MCCC1: variants seen among roughly 807,000 people sequenced by gnomAD.
MCCC1 encodes the protein methylcrotonoyl-CoA carboxylase subunit alpha, mitochondrial.
A neutral mutation model predicts 83.8 loss-of-function variants in MCCC1; 64 were observed. The ratio of observed to expected loss-of-function variants is 0.76; its 90% CI spans 0.62 to 0.94. The LOEUF (loss-of-function observed/expected upper bound fraction) is 0.94. MCCC1 is among the 40% of genes least tolerant of loss of function. The pLI is 0.00. For missense variants in MCCC1, 807 were observed against 904.7 expected, an observed-to-expected ratio of 0.89 and a Z score of 1.39; for synonymous variants, 322 against 315.4, an observed-to-expected ratio of 1.02 and a Z score of -0.22.
In MCCC1 at chr3:183,037,200, G is replaced by C; in HGVS notation, c.1594+18C>G. 1.2e-6 allele frequency: 2 copies of C among 1,611,778 alleles called. No individual in the cohort carries two copies. Among genetic ancestry groups the C allele is most frequent in the Non-Finnish European group, 1.7e-6 (2 of 1,179,214 alleles). Reference sequence around the variant, plus strand: ...TGCAAAACTTGACAAGCAGAGGAAAGAGAAAAGCCTTCCATACCATGTGCC... The same window carrying C: ...TGCAAAACTTGACAAGCAGAGGAAACAGAAAAGCCTTCCATACCATGTGCC... On this transcript the variant is annotated intron_variant, in intron 13 of 18. Coordinates refer to ENST00000265594, the MANE Select transcript of MCCC1 (RefSeq NM_020166.5).
At chr3:183,026,930 CA>C (rs1166427505) in intron 14 of MCCC1, among the ~76,000 whole-genome samples, 2 of 152,188 alleles carry the variant, frequency 1.3e-5, no homozygotes, top group Non-Finnish European at 2.9e-5. Context: ...GTTACAGGCA[CA>C]TCTCACTTTA....
chr3:183,052,459 G>A (rs1286032403), intron 8 of MCCC1, among the ~76,000 whole-genome samples: 1 of 152,146 alleles, frequency 6.6e-6, no homozygotes, highest in Admixed American at 6.5e-5. Flanking sequence ...CATTACTCAT[G>A]TGTTTTGTGG....
chr3:183,031,491 C>CTTT (rs66507233), intron 14 of MCCC1, among the ~76,000 whole-genome samples: 3,140 of 72,366 alleles, frequency 0.043, 54 homozygotes, highest in East Asian at 0.13. Flanking sequence ...CTTCTGGCAC[C>CTTT]TTTTTTTTTT....
At chr3:183,102,784 TTTTTTTTTTTTTTTTTTTTTG>T (rs1302169927), upstream of MCCC1, among the ~76,000 whole-genome samples, 4 of 115,584 alleles carry the variant, frequency 3.5e-5, no homozygotes, top group African/African-American at 1.4e-4. Context: ...TTTTTTTTTT[TTTTTTTTTTTTTTTTTTTTTG>T]AGACGAAGTC....
intron 7 of MCCC1, among the ~76,000 whole-genome samples, chr3:183,057,629 A>T (rs1326270394): frequency 6.6e-6 from 1 of 152,240 alleles, no homozygotes; most frequent in African/African-American, 2.4e-5. Context: ...CCGTAATCCC[A>T]GCACTTTGGG....
At chr3:183,022,089 T>G (rs1325871826) in intron 16 of MCCC1, among the ~76,000 whole-genome samples, 1 of 152,056 alleles carries the variant, frequency 6.6e-6, no homozygotes, top group Admixed American at 6.5e-5. Context: ...GGAAAAGTGT[T>G]CAGACATCAA....
chr3:183,026,789 T>C (rs550316244), intron 14 of MCCC1, among the ~76,000 whole-genome samples: 1 of 152,364 alleles, frequency 6.6e-6, no homozygotes, highest in East Asian at 1.9e-4. Flanking sequence ...ACCTCTGTCA[T>C]CTTGACTCAC....
chr3:183,078,472 C>T (rs943850569), intron 4 of MCCC1, among the ~76,000 whole-genome samples: 1 of 152,140 alleles, frequency 6.6e-6, no homozygotes, highest in African/African-American at 2.4e-5. Flanking sequence ...TTTATAAAGA[C>T]TGCATTAAAT....
At chr3:183,071,414 G>A (rs1170667062) in intron 5 of MCCC1, 57 bp from the exon 6 acceptor site, 1 of 1,611,264 alleles carries the variant, frequency 6.2e-7, no homozygotes, top group East Asian at 2.2e-5. Flanking sequence ...TTTCATTCAA[G>A]ACAAACATAA....
At chr3:183,041,812 T>C (rs1337540981) in intron 10 of MCCC1, 62 bp from the exon 11 acceptor site, 2 of 1,577,980 alleles carry the variant, frequency 1.3e-6, no homozygotes, top group Non-Finnish European at 1.7e-6. Flanking sequence ...ACTTAGTAAA[T>C]CAATGGTCTT....
At chr3:183,090,047 T>A (rs974446413) in intron 3 of MCCC1, among the ~76,000 whole-genome samples, 1 of 152,136 alleles carries the variant, frequency 6.6e-6, no homozygotes. Flanking sequence ...TGATCCAGAA[T>A]GAGAGTGCAC....
At chr3:183,017,501 C>T (rs1415116300) in intron 17 of MCCC1, 164 bp from the exon 18 acceptor site, 20 of 666,146 alleles carry the variant, frequency 3.0e-5, no homozygotes, top group Middle Eastern at 3.4e-4. Context: ...AAAAAAACAA[C>T]ACAGAGGTCC....
intron 3 of MCCC1, among the ~76,000 whole-genome samples, chr3:183,089,830 G>A (rs1466571405): frequency 6.6e-6 from 1 of 152,128 alleles, no homozygotes; most frequent in Admixed American, 6.6e-5. Flanking sequence ...TACTCTACGG[G>A]GTTAGGGAAT....
chr3:183,091,723 G>C (rs1039259261), intron 3 of MCCC1, among the ~76,000 whole-genome samples: 1 of 106,682 alleles, frequency 9.4e-6, no homozygotes, highest in South Asian at 3.4e-4. Context: ...AGATCACTCA[G>C]CCAGTAAGTA....
At chr3:183,023,622 A>G (rs1712341317) in intron 15 of MCCC1, among the ~76,000 whole-genome samples, 1 of 152,202 alleles carries the variant, frequency 6.6e-6, no homozygotes, top group South Asian at 2.1e-4. Context: ...CAGACTTTCC[A>G]TGGTTTTTCT....
rs914715367 is a variant in MCCC1, at chr3:183,052,880, C to T, written c.874-640G>A. 5.3e-5 allele frequency among the ~76,000 whole-genome samples: 8 copies of T among 149,570 alleles called. No individual in the cohort carries two copies. The East Asian group carries it at 7.8e-4, about 15-fold the overall frequency. On this transcript the variant is annotated intron_variant, in intron 8 of 18. Coordinates refer to ENST00000265594, the MANE Select transcript of MCCC1 (RefSeq NM_020166.5). ...TATATAATACTTGATAATACAACTACGCTATTGTTTTTTTAATTTACTATA... is the reference window on the plus strand; with the variant it reads ...TATATAATACTTGATAATACAACTATGCTATTGTTTTTTTAATTTACTATA...
chr3:183,043,150 C>T (rs1714250413), intron 10 of MCCC1, among the ~76,000 whole-genome samples: 1 of 152,158 alleles, frequency 6.6e-6, no homozygotes, highest in Non-Finnish European at 1.5e-5. Flanking sequence ...ATTAGCCGGG[C>T]ATGGTGGCAC....
intron 8 of MCCC1, among the ~76,000 whole-genome samples, chr3:183,053,411 C>A (rs764366300): frequency 1.3e-5 from 2 of 152,070 alleles, no homozygotes; most frequent in Non-Finnish European, 2.9e-5. Flanking sequence ...TCACTTGAGC[C>A]CAAGAGGTCA....
At chr3:183,026,974 T>C (rs1296249083) in intron 14 of MCCC1, among the ~76,000 whole-genome samples, 1 of 152,250 alleles carries the variant, frequency 6.6e-6, no homozygotes, top group Non-Finnish European at 1.5e-5. Flanking sequence ...GTTTTTTACC[T>C]ATTGAGTTTG....
Sources: allele counts gnomAD v4.1 joint callset (sites outside exome capture counted in the v4.1 genomes callset), GRCh38; gene constraint gnomAD v4.1.1; transcripts MANE v1.5; gene names NCBI Gene and HGNC (gene_info 2026-07-23, HGNC 2026-07-21).